RIN2: variants seen among roughly 807,000 people sequenced by gnomAD.
RIN2 encodes RAB5 interacting protein 2.
In RIN2, 36 loss-of-function variants were observed where a neutral mutation model predicts 78.0. The observed-to-expected ratio is 0.46, with a 90% CI of 0.35 to 0.61. The LOEUF (loss-of-function observed/expected upper bound fraction) is 0.61, where lower values mean the gene tolerates loss of function less well. Among genes scored for constraint, RIN2 ranks in the 20% least tolerant of loss-of-function variants. RIN2 has a pLI of 0.00. For missense variants in RIN2, 1,087 were observed against 1,159.7 expected (o/e 0.94, Z 0.91); for synonymous variants, 466 against 466.8 (o/e 1.00, Z 0.02).
intron 1 of RIN2, among the ~76,000 whole-genome samples, chr20:19,777,095 G>A (rs1007489333): frequency 8.5e-5 from 13 of 152,170 alleles, no homozygotes; most frequent in Non-Finnish European, 1.6e-4. Flanking sequence ...GGGTCCATCC[G>A]GGAGGGAATT....
At chr20:19,938,209 G>A (rs570966848) in intron 4 of RIN2, among the ~76,000 whole-genome samples, 1 of 151,930 alleles carries the variant, frequency 6.6e-6, no homozygotes, top group South Asian at 2.1e-4. Flanking sequence ...TTCTTTTTTT[G>A]TTTGTTTGGT....
intron 2 of RIN2, among the ~76,000 whole-genome samples, chr20:19,875,203 G>T (rs143055891): frequency 6.6e-6 from 1 of 151,926 alleles, no homozygotes; most frequent in African/African-American, 2.4e-5. Context: ...CTGTTGCTCA[G>T]GCTGGAGTGC....
intron 2 of RIN2, among the ~76,000 whole-genome samples, chr20:19,888,814 T>A (rs950554178): frequency 6.6e-6 from 1 of 152,190 alleles, no homozygotes; most frequent in Admixed American, 6.5e-5. Flanking sequence ...TAGAACTGAA[T>A]GTTGAAGGCT....
intron 11 of RIN2, among the ~76,000 whole-genome samples, chr20:19,994,964 C>T (rs571791962): frequency 3.0e-4 from 45 of 151,998 alleles, no homozygotes; most frequent in Admixed American, 6.5e-4. Flanking sequence ...CAGATTATGC[C>T]GCGGGAAAAA....
chr20:19,920,570 C>T (rs991879996), intron 3 of RIN2, among the ~76,000 whole-genome samples: 22 of 152,352 alleles, frequency 1.4e-4, no homozygotes, highest in Middle Eastern at 3.4e-3. Context: ...AGATACTACA[C>T]GCACCTTTTA....
chr20:19,805,369 CAGAAGTT>C lies in RIN2; in HGVS notation c.-37+5625_-37+5631del, dbSNP rs1289418662. ...CTTCGAATAGTCCAACTATGGGACT[CAGAAGTT>C]AGGATATTCCTGAAAGAAGTTATAG... On this transcript the variant is annotated intron_variant, in intron 2 of 12. Transcript: ENST00000255006. Among the ~76,000 whole-genome samples the C allele has an allele frequency of 2.0e-5, 3 of 152,158 alleles. No individual in the cohort carries two copies. In the East Asian group the frequency reaches 5.8e-4, roughly 29 times the overall value.
At chr20:19,825,275 C>T (rs1301214941) in intron 2 of RIN2, among the ~76,000 whole-genome samples, 2 of 152,222 alleles carry the variant, frequency 1.3e-5, no homozygotes, top group Non-Finnish European at 2.9e-5. Flanking sequence ...TAGGACTAAA[C>T]CTTTCTTGAC....
intron 2 of RIN2, among the ~76,000 whole-genome samples, chr20:19,877,873 A>G (rs1256046731): frequency 6.6e-6 from 1 of 152,086 alleles, no homozygotes; most frequent in African/African-American, 2.4e-5. Flanking sequence ...TCAAAAAATT[A>G]TCCAAGTGTG....
chr20:19,975,860 T>C lies in RIN2; in HGVS notation c.1762+73T>C, dbSNP rs2042264131. On this transcript the variant is annotated intron_variant, in intron 9 of 12. Transcript: ENST00000255006. This position sits in a 1 kb window ranked among gnomAD's most constrained non-coding sequence, Gnocchi z 4.9. ...GGGCAGTGCAACCTATGTTTGTTAT[T>C]TTTTATGAAGTTTACTCCGAAGTTC... 4 of 1,403,582 alleles carry C rather than the reference T, an allele frequency of 2.8e-6. No individual in the cohort carries two copies. The highest frequency in any genetic ancestry group is 3.9e-6 in the Non-Finnish European group (4 of 1,014,072). 86.9% of individuals were successfully genotyped at this position (1,403,582 alleles called of 1,614,324 possible).
intron 2 of RIN2, among the ~76,000 whole-genome samples, chr20:19,877,649 A>C (rs916789676): frequency 6.6e-6 from 1 of 152,130 alleles, no homozygotes; most frequent in Admixed American, 6.5e-5. Context: ...TGCCACAAGG[A>C]TGTAACTAGG....
intron 9 of RIN2, among the ~76,000 whole-genome samples, chr20:19,985,283 ATTCTTGGAGAAGTAATAAGAGTGAATCAC>A (rs1160646991): frequency 1.3e-5 from 2 of 152,222 alleles, no homozygotes; most frequent in African/African-American, 4.8e-5. Flanking sequence ...GAGTGAATCA[ATTCTTGGAGAAGTAATAAGAGTGAATCAC>A]TTCTTGTCTA....
chr20:19,872,130 A>AAGAGTTC (rs1246890571), intron 2 of RIN2: 1 of 152,076 alleles, frequency 6.6e-6, no homozygotes, highest in Non-Finnish European at 1.5e-5. Flanking sequence ...ATGGTTTTAT[A>AAGAGTTC]AGAGTTCAGA....
chr20:19,789,966 C>T (rs2034837780), intron 1 of RIN2, among the ~76,000 whole-genome samples: 1 of 152,164 alleles, frequency 6.6e-6, no homozygotes, highest in Non-Finnish European at 1.5e-5. Flanking sequence ...ATCCAAGACT[C>T]CTTCAAACAT....
At chr20:19,759,861 T>A (rs1158263318) in intron 1 of RIN2, among the ~76,000 whole-genome samples, 3 of 150,704 alleles carry the variant, frequency 2.0e-5, no homozygotes, top group Admixed American at 6.6e-5. Context: ...AAACTCTGTC[T>A]AAAAAAAAAG....
chr20:19,778,950 T>C (rs978591846), intron 1 of RIN2, among the ~76,000 whole-genome samples: 1 of 152,188 alleles, frequency 6.6e-6, no homozygotes, highest in African/African-American at 2.4e-5. Flanking sequence ...ATCTGGGTCC[T>C]GACTCAGAGT....
chr20:19,840,223 A>G (rs1011610033), intron 2 of RIN2, among the ~76,000 whole-genome samples: 2 of 152,214 alleles, frequency 1.3e-5, no homozygotes, highest in Admixed American at 6.5e-5. Context: ...TCCTGGTCAC[A>G]CAAAGGTTTG....
intron 3 of RIN2, among the ~76,000 whole-genome samples, chr20:19,895,473 C>T (rs1371386179): frequency 1.3e-5 from 2 of 152,150 alleles, no homozygotes; most frequent in Non-Finnish European, 2.9e-5. Flanking sequence ...GCCTTCTAAC[C>T]TTCCTTGGCC....
intron 3 of RIN2, among the ~76,000 whole-genome samples, chr20:19,909,720 T>A (rs1251802785): frequency 6.6e-6 from 1 of 152,264 alleles, no homozygotes; most frequent in East Asian, 1.9e-4. Context: ...GCCGCACAGG[T>A]CCCATAGGTA....
intron 5 of RIN2, among the ~76,000 whole-genome samples, chr20:19,958,478 C>T (rs985154299): frequency 6.6e-6 from 1 of 152,282 alleles, no homozygotes; most frequent in African/African-American, 2.4e-5. Flanking sequence ...TCTCTCCATC[C>T]ACCTGCCTGA....
Sources: allele counts gnomAD v4.1 joint callset (sites outside exome capture counted in the v4.1 genomes callset), GRCh38; gene constraint gnomAD v4.1.1; non-coding constraint Gnocchi (gnomAD v3.1); transcripts MANE v1.5; gene names NCBI Gene and HGNC (gene_info 2026-07-23, HGNC 2026-07-21).